Variants in NFIA observed in about 807,000 individuals in gnomAD.
NFIA encodes the protein nuclear factor 1 A-type.
NFIA carries 8 observed loss-of-function variants against 62.8 expected under a neutral mutation model. That is an observed-to-expected ratio of 0.13 (90% CI 0.07 to 0.23). The LOEUF is 0.23. Ranked by LOEUF, NFIA falls within the 10% of genes least tolerant of loss-of-function variation. The pLI is 1.00. For synonymous variants in NFIA, 235 were observed against 238.1 expected (o/e 0.99, Z 0.12); for missense variants, 410 against 642.1 (o/e 0.64, Z 3.91).
intron 7 of NFIA, among the ~76,000 whole-genome samples, chr1:61,402,033 C>CTTTTTTTTT (rs10636290): frequency 1.9e-3 from 178 of 94,554 alleles, no homozygotes; most frequent in Non-Finnish European, 2.1e-3. Context: ...ACTCATTTTT[C>CTTTTTTTTT]TTTTTTTTTT....
chr1:61,196,721 G>A (rs1652024846), intron 2 of NFIA, among the ~76,000 whole-genome samples: 1 of 152,182 alleles, frequency 6.6e-6, no homozygotes, highest in South Asian at 2.1e-4. Context: ...GCTTGAAGCA[G>A]TGTTGTCTGA....
rs145753676 is a variant in NFIA at position 61,398,460 on chromosome 1, A to G, written c.1076-5644A>G. Among the ~76,000 whole-genome samples, 1,094 of 152,318 alleles carry G rather than the reference A, an allele frequency of 7.2e-3. 16 individuals carry two copies. Among genetic ancestry groups the G allele is most frequent in the African/African-American group, 0.025 (1,032 of 41,564 alleles). On this transcript the variant is annotated intron_variant, in intron 7 of 10. Transcript: ENST00000403491. Reference sequence around the variant, plus strand: ...AGAAAATCCCCTGAATTCAAATGGAATAGACTCTATCAACCATCTTGGAAA... The same window carrying G: ...AGAAAATCCCCTGAATTCAAATGGAGTAGACTCTATCAACCATCTTGGAAA...
chr1:61,371,280 A>G (rs1272180191), intron 6 of NFIA, among the ~76,000 whole-genome samples: 1 of 152,148 alleles, frequency 6.6e-6, no homozygotes, highest in Non-Finnish European at 1.5e-5. Flanking sequence ...ATTCTTTGAT[A>G]TTTATCACTT....
chr1:61,319,603 G>A (rs1179757229), intron 3 of NFIA, among the ~76,000 whole-genome samples: 1 of 152,032 alleles, frequency 6.6e-6, no homozygotes, highest in Non-Finnish European at 1.5e-5. Flanking sequence ...TGCCCCAGTA[G>A]AGGTTATTTT....
At position 61,391,435 on chromosome 1, in the gene NFIA, A is replaced by AACACACAC. The variant is rs60938787; in HGVS notation, c.1075+8116_1075+8123dup. 2.3e-3 allele frequency among the ~76,000 whole-genome samples: 284 copies of AACACACAC among 124,650 alleles called. 2 individuals are homozygous for AACACACAC. Among genetic ancestry groups the AACACACAC allele is most frequent in the African/African-American group, 3.1e-3 (106 of 33,902 alleles). The allele number at this position is 124,650 out of a possible 152,430, so 81.8% of individuals were successfully genotyped here. A position where few individuals can be genotyped will look rare whatever the true frequency, so the allele number is the denominator to read the frequency against. ...TTAAACCCCACTTCTTTATGAATCA[A>AACACACAC]ACACACACACACACACACACACACA... is the stretch of plus-strand genomic sequence containing the variant. On this transcript the variant is annotated intron_variant, in intron 7 of 10. Coordinates refer to ENST00000403491, the MANE Select transcript of NFIA (RefSeq NM_001134673.4).
At position 61,082,593 on chromosome 1, in the gene NFIA, G is replaced by A. The variant is rs186679467; in HGVS notation, c.-199G>A. On this transcript the variant is annotated 5_prime_UTR_variant, in exon 1 of 11. It removes the in-frame stop codon of an upstream open reading frame in the 5' UTR. Coordinates refer to ENST00000403491, the MANE Select transcript of NFIA (RefSeq NM_001134673.4). ...AAGTTCAGCTCATGGAGCGGCAATAGCGCTGGCTGGCTGGCTGCAGTTGAG... is the reference window on the plus strand; with the variant it reads ...AAGTTCAGCTCATGGAGCGGCAATAACGCTGGCTGGCTGGCTGCAGTTGAG... 7.3e-4 allele frequency: 1,091 copies of A among 1,486,762 alleles called. No individual in the cohort carries two copies. Among genetic ancestry groups the A allele is most frequent in the Non-Finnish European group, 9.4e-4 (1,051 of 1,114,414 alleles). 92.1% of individuals were successfully genotyped at this position (1,486,762 alleles called of 1,614,324 possible).
intron 9 of NFIA, among the ~76,000 whole-genome samples, chr1:61,423,196 G>A (rs867179862): frequency 2.6e-5 from 4 of 151,570 alleles, no homozygotes; most frequent in African/African-American, 9.7e-5. Flanking sequence ...TTCAATGTTA[G>A]GAAAATGGTT....
In NFIA at chr1:61,186,248, AGTT is replaced by A. The variant is rs781602591; in HGVS notation, c.560-91269_560-91267del. On this transcript the variant is annotated intron_variant, in intron 2 of 10. Coordinates refer to ENST00000403491, the MANE Select transcript of NFIA (RefSeq NM_001134673.4). ...TTGAGTCTTGGCTCTGCCATTGACTAGTTGTATGAACTGCCGCAGGTGGTTCAG... is the reference window on the plus strand; with the variant it reads ...TTGAGTCTTGGCTCTGCCATTGACTAGTATGAACTGCCGCAGGTGGTTCAG... Among the ~76,000 whole-genome samples, 15 of 152,322 alleles carry A rather than the reference AGTT, an allele frequency of 9.8e-5. 1 individual carries two copies. In the South Asian group the frequency reaches 3.1e-3, roughly 32 times the overall value.
intron 2 of NFIA, among the ~76,000 whole-genome samples, chr1:61,113,735 T>C (rs549021365): frequency 8.4e-6 from 1 of 119,738 alleles, no homozygotes; most frequent in East Asian, 2.4e-4. Context: ...AATGAGAGAA[T>C]GAGCAGAGGC....
intron 2 of NFIA, among the ~76,000 whole-genome samples, chr1:61,266,763 G>C (rs1657198819): frequency 6.6e-6 from 1 of 152,164 alleles, no homozygotes; most frequent in African/African-American, 2.4e-5. Context: ...GTTAGTATCT[G>C]TATGTTCCAG....
Position 61,455,506 on chromosome 1 carries a change from T to A in NFIA, c.*186T>A. 2.4e-6 allele frequency: 2 copies of A among 820,442 alleles called. No homozygotes were observed. The highest frequency in any genetic ancestry group is 3.7e-6 in the Non-Finnish European group (2 of 545,474). The allele number at this position is 820,442 out of a possible 1,614,324, so 50.8% of individuals were successfully genotyped here. ...TGGTCAAACAGCAAAGGCCATAACCTTTTGGGATTTTTTTTTTTTTAAAAT... is the reference window on the plus strand; with the variant it reads ...TGGTCAAACAGCAAAGGCCATAACCATTTGGGATTTTTTTTTTTTTAAAAT... On this transcript the variant is annotated 3_prime_UTR_variant, in exon 11 of 11. Transcript: ENST00000403491.
upstream of NFIA, chr1:61,077,564 C>G (rs1646047283): frequency 9.2e-6 from 12 of 1,298,222 alleles, no homozygotes; most frequent in African/African-American, 1.5e-5. Flanking sequence ...AAAAAGGGGA[C>G]AACAAATGAA....
chr1:61,147,784 T>G (rs1348080083), intron 2 of NFIA, among the ~76,000 whole-genome samples: 1 of 152,154 alleles, frequency 6.6e-6, no homozygotes, highest in Non-Finnish European at 1.5e-5. Flanking sequence ...CACTGAAGTG[T>G]GTGCCCTGAA....
intron 2 of NFIA, among the ~76,000 whole-genome samples, chr1:61,108,715 C>T (rs1472549335): frequency 6.6e-6 from 1 of 151,546 alleles, no homozygotes; most frequent in Non-Finnish European, 1.5e-5. Context: ...TTAAATATTA[C>T]TTTCGCTGCT....
chr1:61,298,826 T>G (rs535902301), intron 3 of NFIA, among the ~76,000 whole-genome samples: 4 of 152,316 alleles, frequency 2.6e-5, no homozygotes, highest in Admixed American at 2.6e-4. Flanking sequence ...CCATCTTCAT[T>G]GAACTGGACT....
In NFIA at chr1:61,126,777, CTTTTTTTTTTTTTTTT is replaced by C. The variant is rs56255004; in HGVS notation, c.559+38106_559+38121del. 1.3e-3 allele frequency among the ~76,000 whole-genome samples: 113 copies of C among 87,326 alleles called. 1 individual carries two copies. Among genetic ancestry groups the C allele is most frequent in the African/African-American group, 4.3e-3 (100 of 23,278 alleles). The allele number at this position is 87,326 out of a possible 152,430, so 57.3% of individuals were successfully genotyped here. On this transcript the variant is annotated intron_variant, in intron 2 of 10. Coordinates refer to ENST00000403491, the MANE Select transcript of NFIA (RefSeq NM_001134673.4). ...ATGGTCAGTAACTATTGTCAGATTC[CTTTTTTTTTTTTTTTT>C]TTTTTTTTGAAGACAAAGTCTTGCT...
At chr1:61,381,573 G>T (rs766670910) in intron 6 of NFIA, among the ~76,000 whole-genome samples, 13 of 152,134 alleles carry the variant, frequency 8.5e-5, no homozygotes, top group Non-Finnish European at 1.9e-4. Flanking sequence ...ACTCTATGTT[G>T]TACTTATATC....
At chr1:61,416,841 T>C (rs960935130) in intron 9 of NFIA, among the ~76,000 whole-genome samples, 1 of 152,180 alleles carries the variant, frequency 6.6e-6, no homozygotes, top group African/African-American at 2.4e-5. Context: ...TGTTTTCTAC[T>C]CTACCAGGAC....
chr1:61,313,620 C>CTGA (rs575363589), intron 3 of NFIA, among the ~76,000 whole-genome samples: 41 of 152,328 alleles, frequency 2.7e-4, no homozygotes, highest in African/African-American at 8.4e-4. Flanking sequence ...CATCCACACT[C>CTGA]TATCAGACAC....
Sources: gnomAD v4.1 joint callset for allele counts (sites outside exome capture counted in the v4.1 genomes callset) on GRCh38, gnomAD v4.1.1 for gene constraint, MANE v1.5 for transcripts, NCBI Gene and HGNC (gene_info 2026-07-23, HGNC 2026-07-21) for gene names.